The following NCKAP5 variants were observed in gnomAD, a reference collection of about 807,000 sequenced individuals.
NCKAP5 encodes nck-associated protein 5.
Under a neutral mutation model 167.0 loss-of-function variants are expected in NCKAP5, and 92 were observed. That is an observed-to-expected ratio of 0.55 (90% CI 0.47 to 0.66). The LOEUF is 0.66. Ranked by LOEUF, NCKAP5 falls within the 30% of genes least tolerant of loss-of-function variation. The pLI, the probability that NCKAP5 is intolerant of heterozygous loss-of-function variation, is 0.00. For synonymous variants in NCKAP5, 891 were observed against 877.4 expected (o/e 1.02, Z -0.27); for missense variants, 2,378 against 2,315.0 (o/e 1.03, Z -0.56).
intron 3 of NCKAP5, among the ~76,000 whole-genome samples, chr2:133,304,296 T>C (rs2150576238): frequency 6.6e-6 from 1 of 152,308 alleles, no homozygotes; most frequent in East Asian, 1.9e-4. Context: ...CATGCGGCCT[T>C]GAAAAGCCTT....
chr2:132,918,292 G>A (rs1695039970), intron 8 of NCKAP5, among the ~76,000 whole-genome samples: 1 of 152,082 alleles, frequency 6.6e-6, no homozygotes, highest in Non-Finnish European at 1.5e-5. Context: ...AGTACTCAAA[G>A]CAATTTCATT....
intron 6 of NCKAP5, among the ~76,000 whole-genome samples, chr2:133,028,668 A>T (rs779698048): frequency 2.0e-5 from 3 of 152,072 alleles, no homozygotes; most frequent in Non-Finnish European, 4.4e-5. Flanking sequence ...TAACAACAAA[A>T]CCTTTTTAAT....
rs1017859001 is a variant in NCKAP5, at chr2:133,224,787, C to T, written c.144-11008G>A. 1.6e-4 allele frequency among the ~76,000 whole-genome samples: 25 copies of T among 152,082 alleles called. No homozygotes were observed. In the East Asian group the frequency reaches 2.7e-3, roughly 16 times the overall value. ...TAAAATACATATTAGAGCAAAAATT[C>T]GCCTAATTTTAATACAGATATTTCT... On this transcript the variant is annotated intron_variant, in intron 4 of 19. Transcript: ENST00000409261.
At chr2:133,272,272 A>G (rs1286767180) in intron 4 of NCKAP5, among the ~76,000 whole-genome samples, 1 of 152,130 alleles carries the variant, frequency 6.6e-6, no homozygotes, top group African/African-American at 2.4e-5. Flanking sequence ...TCAAAGTCTA[A>G]TAAAAGAGAA....
chr2:133,458,451 C>T (rs1332154645), intron 3 of NCKAP5, among the ~76,000 whole-genome samples: 10 of 151,926 alleles, frequency 6.6e-5, no homozygotes, highest in South Asian at 6.2e-4. Context: ...TGTGCAGAGC[C>T]GGTGAAAACT....
chr2:132,954,528 G>A, intron 8 of NCKAP5: 1 of 390,562 alleles, frequency 2.6e-6, no homozygotes, highest in Non-Finnish European at 5.0e-6. Flanking sequence ...TTGAAATACT[G>A]TGAACAAGGT....
Position 132,785,653 on chromosome 2 carries a change from A to G in NCKAP5, c.1158T>C (p.Ser386=). 1 of 1,521,462 alleles carries G rather than the reference A, an allele frequency of 6.6e-7. No homozygotes were observed. The highest frequency in any genetic ancestry group is 8.8e-7 in the Non-Finnish European group (1 of 1,137,216). The allele number at this position is 1,521,462 out of a possible 1,614,324, so 94.2% of individuals were successfully genotyped here. A position where few individuals can be genotyped will look rare whatever the true frequency, so the allele number is the denominator to read the frequency against. ...IDSSLPSGFA[S]PTNELPPTRI... ...GAGTTGGAGGTAGTTCATTTGTAGG[A>G]CTAGCAAAGCCACTTGGGAGCGAAG... The change falls in exon 14 of 20, where the codon AGT becomes AGC. Residue 386 remains serine (S), a synonymous_variant. Transcript: ENST00000409261.
the NCKAP5 span, among the ~76,000 whole-genome samples, chr2:133,620,955 A>C: frequency 6.6e-6 from 1 of 152,186 alleles, no homozygotes; most frequent in African/African-American, 2.4e-5. Flanking sequence ...ACTGGAAATC[A>C]ACTCCAAAAG....
intron 6 of NCKAP5, among the ~76,000 whole-genome samples, chr2:133,091,846 C>G (rs2081195859): frequency 6.6e-6 from 1 of 152,132 alleles, no homozygotes; most frequent in Non-Finnish European, 1.5e-5. Flanking sequence ...GAGATCCCAC[C>G]ACTGCACTCC....
intron 6 of NCKAP5, among the ~76,000 whole-genome samples, chr2:133,063,680 C>T (rs2080088466): frequency 6.6e-6 from 1 of 152,102 alleles, no homozygotes; most frequent in South Asian, 2.1e-4. Context: ...TCACATTTGC[C>T]CTTATACCCA....
In NCKAP5 at chr2:133,225,231, T is replaced by C. The variant is rs187540381; in HGVS notation, c.144-11452A>G. Among the ~76,000 whole-genome samples, 124 of 128,416 alleles carry C rather than the reference T, an allele frequency of 9.7e-4. 1 individual carries two copies. The highest frequency in any genetic ancestry group is 5.8e-3 in the Admixed American group (72 of 12,374). 84.2% of individuals were successfully genotyped at this position (128,416 alleles called of 152,430 possible). A position where few individuals can be genotyped will look rare whatever the true frequency, so the allele number is the denominator to read the frequency against. Reference sequence around the variant, plus strand: ...ATGTAGCTTAATATGGAAAGGGAATTCTTGAGGGAAAAAAAACATGCTAAT... The same window carrying C: ...ATGTAGCTTAATATGGAAAGGGAATCCTTGAGGGAAAAAAAACATGCTAAT... On this transcript the variant is annotated intron_variant, in intron 4 of 19. Coordinates refer to ENST00000409261, the MANE Select transcript of NCKAP5 (RefSeq NM_207363.3).
the NCKAP5 span, among the ~76,000 whole-genome samples, chr2:133,611,242 C>T: frequency 6.6e-6 from 1 of 151,972 alleles, no homozygotes; most frequent in African/African-American, 2.4e-5. Flanking sequence ...CTCTCAGAGA[C>T]CACCCCCACC....
At chr2:133,098,273 A>G (rs543164450) in intron 6 of NCKAP5, among the ~76,000 whole-genome samples, 5 of 152,342 alleles carry the variant, frequency 3.3e-5, no homozygotes, top group African/African-American at 9.6e-5. Context: ...AATGTGACCA[A>G]CGCCTTAAAA....
chr2:133,499,865 T>C (rs773944332), intron 3 of NCKAP5, among the ~76,000 whole-genome samples: 2 of 152,184 alleles, frequency 1.3e-5, no homozygotes, highest in African/African-American at 4.8e-5. Context: ...GCCCCAGTGT[T>C]CTCATTTTGC....
chr2:133,066,214 AT>A (rs944640073), intron 6 of NCKAP5, among the ~76,000 whole-genome samples: 1 of 152,240 alleles, frequency 6.6e-6, no homozygotes, highest in Non-Finnish European at 1.5e-5. Context: ...TAAAGGCTTA[AT>A]TACCAAACTG....
chr2:133,447,968 T>C (rs1691309876), intron 3 of NCKAP5, among the ~76,000 whole-genome samples: 1 of 152,156 alleles, frequency 6.6e-6, no homozygotes, highest in Non-Finnish European at 1.5e-5. Context: ...TCTACAGCTC[T>C]AAGCTCACTG....
chr2:133,213,538 ACT>A (rs1408374238), intron 5 of NCKAP5, among the ~76,000 whole-genome samples, 176 bp downstream of exon 5: 12 of 151,988 alleles, frequency 7.9e-5, no homozygotes, highest in Admixed American at 7.9e-4. Flanking sequence ...AATATCTCTC[ACT>A]CTGATGGCAA....
chr2:133,036,366 T>A (rs2079041752), intron 6 of NCKAP5, among the ~76,000 whole-genome samples: 1 of 151,572 alleles, frequency 6.6e-6, no homozygotes, highest in South Asian at 2.1e-4. Context: ...GAAACACACA[T>A]CAAAAAAGAC....
chr2:133,613,759 C>A, the NCKAP5 span, among the ~76,000 whole-genome samples: 1 of 152,126 alleles, frequency 6.6e-6, no homozygotes, highest in East Asian at 1.9e-4. Flanking sequence ...AGGGGTGGTC[C>A]CGTAGTCCCT....
Sources: gnomAD v4.1 joint callset for allele counts (sites outside exome capture counted in the v4.1 genomes callset) on GRCh38, gnomAD v4.1.1 for gene constraint, MANE v1.5 for transcripts, NCBI Gene and HGNC (gene_info 2026-07-23, HGNC 2026-07-21) for gene names.